TJP3: variants seen among roughly 807,000 people sequenced by gnomAD.
TJP3 encodes the protein tight junction protein ZO-3.
In TJP3, 85 loss-of-function variants were observed where a neutral mutation model predicts 104.2. The ratio of observed to expected loss-of-function variants is 0.82; its 90% confidence interval spans 0.68 to 0.98. The LOEUF (loss-of-function observed/expected upper bound fraction) is 0.98. Ranked by LOEUF, TJP3 falls within the 50% of genes least tolerant of loss-of-function variation. TJP3 has a pLI of 0.00. For synonymous variants in TJP3, 550 were observed against 550.6 expected, an observed-to-expected ratio of 1.00 and a Z score of 0.02; for missense variants, 1,367 against 1,322.8, an observed-to-expected ratio of 1.03 and a Z score of -0.52.
Position 3,746,941 on chromosome 19 carries a change from GGTTTGGGGCCTCTGTCGGGA to G in TJP3, c.2322+69_2322+88del. The G allele has an allele frequency of 7.4e-6, 11 of 1,482,702 alleles. No homozygotes were observed. In the South Asian group the frequency reaches 1.3e-4, roughly 18 times the overall value. 91.8% of individuals were successfully genotyped at this position (1,482,702 alleles called of 1,614,324 possible). ...ACAGACGCTGTGCAGGCCCAGCTGG[GGTTTGGGGCCTCTGTCGGGA>G]GTTAGGGCTTGGTCAGGGATCAGGA... On this transcript the variant is annotated intron_variant, in intron 18 of 20. Transcript: ENST00000541714. This position sits in a 1 kb window ranked among gnomAD's most constrained non-coding sequence, Gnocchi z 4.1.
At chr19:3,719,892 GAA>G (rs1170922423) in intron 1 of TJP3, among the ~76,000 whole-genome samples, 1 of 152,172 alleles carries the variant, frequency 6.6e-6, no homozygotes, top group Non-Finnish European at 1.5e-5. Context: ...CCGCAAAAGG[GAA>G]GAGAACTACA....
intron 19 of TJP3, among the ~76,000 whole-genome samples, chr19:3,749,317 C>T (rs1370886949): frequency 6.6e-6 from 1 of 152,020 alleles, no homozygotes; most frequent in Admixed American, 6.6e-5. Context: ...TCTTTTTGAA[C>T]TTGACCTATC....
chr19:3,735,903 A>T lies in TJP3; in HGVS notation c.1095A>T (p.Arg365Ser). The change falls in exon 10 of 21, where the codon AGA becomes AGT. Residue 365 changes from arginine (R) to serine (S), a missense_variant. Arg to Ser is a moderately radical substitution (Grantham distance 110, BLOSUM62 -1). Transcript: ENST00000541714. ...GGGAAAGCAGCTATGACATCTACAG[A>T]GTGCCCAGCAGTCAGAGCATGGAGG... Reference protein sequence around the residue: ...LPRESSYDIYRVPSSQSMEDR... With the variant: ...LPRESSYDIYSVPSSQSMEDR... The T allele has an allele frequency of 6.2e-7, 1 of 1,614,140 alleles. No homozygotes were observed. The highest frequency in any genetic ancestry group is 8.5e-7 in the Non-Finnish European group (1 of 1,180,034).
Position 3,747,834 on chromosome 19 carries a change from A to G in TJP3, c.2363A>G (p.His788Arg), listed in dbSNP as rs2145707025. The G allele has an allele frequency of 6.2e-7, 1 of 1,608,602 alleles. No homozygotes were observed. The highest frequency in any genetic ancestry group is 8.5e-7 in the Non-Finnish European group (1 of 1,179,236). ...GAGGACAACCTAGACCTCCCTCACC[A>G]CGGCCTGGCCGACAGCTCCGCTGAC... ...SLEDNLDLPH[H>R]GLADSSADLS... Residue 788 changes from histidine to arginine, a missense_variant, in exon 19 of 21, where the codon CAC becomes CGC. His to Arg is a conservative substitution (Grantham distance 29). Transcript: ENST00000541714.
intron 1 of TJP3, among the ~76,000 whole-genome samples, chr19:3,716,365 G>A (rs543425739): frequency 2.7e-5 from 4 of 148,540 alleles, no homozygotes; most frequent in East Asian, 2.0e-4. Flanking sequence ...GAGTCACCGC[G>A]CTCGGCCTGG....
At chr19:3,711,705 A>G (rs1257152566) in intron 1 of TJP3, among the ~76,000 whole-genome samples, 1 of 125,996 alleles carries the variant, frequency 7.9e-6, no homozygotes, top group African/African-American at 3.0e-5. Flanking sequence ...AGCCTGGCTA[A>G]CATGGTGAAA....
chr19:3,732,198 A>G (rs574282666), intron 6 of TJP3, among the ~76,000 whole-genome samples, 160 bp downstream of exon 6: 2 of 152,208 alleles, frequency 1.3e-5, no homozygotes, highest in African/African-American at 4.8e-5. Flanking sequence ...CCAGGCATAA[A>G]ACCCCCTTTT....
chr19:3,723,809 AT>A (rs751735552), intron 1 of TJP3, among the ~76,000 whole-genome samples: 24,494 of 85,652 alleles, frequency 0.29, 2,316 homozygotes, highest in Admixed American at 0.33. Flanking sequence ...AAAAAAAAAA[AT>A]ATATATATAT....
chr19:3,746,136 G>A lies in TJP3; in HGVS notation c.2010+55G>A. On this transcript the variant is annotated intron_variant, in intron 16 of 20. Transcript: ENST00000541714. This position sits in a 1 kb window ranked among gnomAD's most constrained non-coding sequence, Gnocchi z 4.1. ...TCATGGATGGGGGAAACCGAGGCCT[G>A]GGCATCCAACTGAATGTCCTGACCT... The A allele has an allele frequency of 2.6e-6, 4 of 1,520,734 alleles. No individual in the cohort carries two copies. The South Asian group carries it at 4.7e-5, about 18-fold the overall frequency. The allele number at this position is 1,520,734 out of a possible 1,614,324, so 94.2% of individuals were successfully genotyped here. A position where few individuals can be genotyped will look rare whatever the true frequency, so the allele number is the denominator to read the frequency against.
Position 3,735,933 on chromosome 19 carries a change from T to C in TJP3, c.1125T>C (p.Arg375=). 2 of 1,614,132 alleles carry C rather than the reference T, an allele frequency of 1.2e-6. No individual in the cohort carries two copies. Among genetic ancestry groups the C allele is most frequent in the South Asian group, 2.2e-5 (2 of 91,080 alleles). ...CCAGCAGTCAGAGCATGGAGGATCGTGGGTATGTACCCCAGAAGAAAGCAA... is the reference window on the plus strand; with the variant it reads ...CCAGCAGTCAGAGCATGGAGGATCGCGGGTATGTACCCCAGAAGAAAGCAA... The part of the protein sequence containing the change: ...RVPSSQSMED[R]GYSPDTRVVR... Residue 375 remains arginine, a splice_region_variant and synonymous_variant, in exon 10 of 21, where the codon CGT becomes CGC. Coordinates refer to ENST00000541714, the MANE Select transcript of TJP3 (RefSeq NM_001267560.2).
intron 1 of TJP3, among the ~76,000 whole-genome samples, chr19:3,725,034 GAGGATCGCTTGGGCCC>G (rs778019065): frequency 1.3e-5 from 2 of 152,210 alleles, no homozygotes; most frequent in Non-Finnish European, 2.9e-5. Flanking sequence ...GCTGAGGTGG[GAGGATCGCTTGGGCCC>G]AGGAATTTGA....
intron 5 of TJP3, among the ~76,000 whole-genome samples, chr19:3,731,294 A>T (rs2036667650): frequency 1.3e-5 from 2 of 152,134 alleles, no homozygotes; most frequent in Admixed American, 1.3e-4. Context: ...CTCAGAGGTG[A>T]TCCTGGATGA....
At position 3,713,480 on chromosome 19, in the gene TJP3, C is replaced by T. The variant is rs573413410; in HGVS notation, c.-10+4919C>T. On this transcript the variant is annotated intron_variant, in intron 1 of 20. Transcript: ENST00000541714. ...CACAGCCCAGCGGTGTCTAAGGAGA[C>T]GTGACAGCCAACTACCAGGTGGGAT... Among the ~76,000 whole-genome samples the T allele has an allele frequency of 5.3e-5, 8 of 152,292 alleles. No homozygotes were observed. The South Asian group carries it at 1.4e-3, about 28-fold the overall frequency.
At chr19:3,733,679 C>G (rs2036700421) in intron 6 of TJP3, 74 bp from the exon 7 acceptor site, 1 of 1,582,458 alleles carries the variant, frequency 6.3e-7, no homozygotes, top group Admixed American at 1.7e-5. Flanking sequence ...CAAGTTCCCC[C>G]ACACCAGGCT....
rs757626993 is a variant in TJP3 at position 3,728,481 on chromosome 19, G to T, written c.48+1G>T. ...ACAGCACACGGCCACACTGTCCAAG[G>T]TGAGGCCTCCCTCTCCCTGTCTGGG... On this transcript the variant is annotated splice_donor_variant, in intron 2 of 20. Coordinates refer to ENST00000541714, the MANE Select transcript of TJP3 (RefSeq NM_001267560.2). LOFTEE classifies it high-confidence loss of function. 4 of 1,607,720 alleles carry T rather than the reference G, an allele frequency of 2.5e-6. No individual in the cohort carries two copies. The African/African-American group carries it at 4.0e-5, about 16-fold the overall frequency.
At chr19:3,713,239 C>T (rs1010675285) in intron 1 of TJP3, among the ~76,000 whole-genome samples, 7 of 152,192 alleles carry the variant, frequency 4.6e-5, no homozygotes, top group Non-Finnish European at 1.0e-4. Context: ...TCTCCTCCCA[C>T]CTGGCTGCCC....
Position 3,740,823 on chromosome 19 carries a change from G to C in TJP3, c.1843+60G>C, listed in dbSNP as rs925945296. 8 of 1,425,552 alleles carry C rather than the reference G, an allele frequency of 5.6e-6. No individual in the cohort carries two copies. The Admixed American group carries it at 1.4e-4, about 25-fold the overall frequency. 88.3% of individuals were successfully genotyped at this position (1,425,552 alleles called of 1,614,324 possible). On this transcript the variant is annotated intron_variant, in intron 14 of 20. Transcript: ENST00000541714. ...CTCACACACAGCTCCTGGTGCACCT[G>C]TTCACTAACATTCAGCCTCTAAAAG... is the stretch of plus-strand genomic sequence containing the variant.
intron 1 of TJP3, among the ~76,000 whole-genome samples, chr19:3,710,935 G>A (rs569661932): frequency 6.6e-6 from 1 of 152,154 alleles, no homozygotes; most frequent in East Asian, 2.0e-4. Context: ...ACGGAGTCTC[G>A]CTCTGTCGCC....
At chr19:3,736,938 G>C (rs565923455) in intron 11 of TJP3, among the ~76,000 whole-genome samples, 26 of 151,120 alleles carry the variant, frequency 1.7e-4, no homozygotes, top group African/African-American at 5.8e-4. Flanking sequence ...GGAGTGCGGG[G>C]GTGTGATCTT....
Sources: gnomAD v4.1 joint callset for allele counts (sites outside exome capture counted in the v4.1 genomes callset) on GRCh38, gnomAD v4.1.1 for gene constraint, Gnocchi (gnomAD v3.1) non-coding constraint, MANE v1.5 for transcripts, NCBI Gene and HGNC (gene_info 2026-07-23, HGNC 2026-07-21) for gene names.